Variants in PCDH9 observed in about 807,000 individuals in gnomAD.
PCDH9 encodes protocadherin-9.
In PCDH9, 24 loss-of-function variants were observed where a neutral mutation model predicts 70.6. The observed-to-expected ratio is 0.34, with a 90% CI of 0.25 to 0.48. The LOEUF (loss-of-function observed/expected upper bound fraction) is 0.48, where lower values mean the gene tolerates loss of function less well. Ranked by LOEUF, PCDH9 falls within the 20% of genes least tolerant of loss-of-function variation. The probability of loss-of-function intolerance (pLI) is 0.99; values close to 1 mark genes in which losing one functional copy is unlikely to be tolerated. For synonymous variants in PCDH9, 562 were observed against 558.5 expected (o/e 1.01, Z -0.09); for missense variants, 1,281 against 1,503.6 (o/e 0.85, Z 2.45).
Position 67,220,169 on chromosome 13 carries a change from A to C in PCDH9, c.3036+5236T>G, listed in dbSNP as rs527392124. ...AAAAAAAAAAATTAGAAATAAAAAC[A>C]ATCTAAATAAGACAACAAAAATTGT... On this transcript the variant is annotated intron_variant, in intron 2 of 4. Transcript: ENST00000377865. The C allele has an allele frequency of 9.9e-5, 15 of 152,128 alleles. No individual in the cohort carries two copies. The East Asian group carries it at 2.7e-3, about 27-fold the overall frequency. 9.4% of individuals were successfully genotyped at this position (152,128 alleles called of 1,614,324 possible).
At chr13:66,871,047 A>G (rs952123387) in intron 3 of PCDH9, among the ~76,000 whole-genome samples, 23 of 152,310 alleles carry the variant, frequency 1.5e-4, no homozygotes, top group African/African-American at 5.5e-4. Context: ...ACCATGGAAT[A>G]CTATGCAGCC....
chr13:66,474,739 T>TA (rs1246311516), intron 4 of PCDH9, among the ~76,000 whole-genome samples: 1 of 152,114 alleles, frequency 6.6e-6, no homozygotes, highest in Non-Finnish European at 1.5e-5. Context: ...TCCTGGCTCT[T>TA]ACCACTATCA....
intron 3 of PCDH9, among the ~76,000 whole-genome samples, chr13:66,798,418 G>A (rs2080277951): frequency 6.6e-6 from 1 of 152,062 alleles, no homozygotes; most frequent in Admixed American, 6.6e-5. Context: ...TGCAGGCATA[G>A]GTGTGCACAG....
chr13:66,741,028 G>A (rs2079255923), intron 3 of PCDH9, among the ~76,000 whole-genome samples: 1 of 43,848 alleles, frequency 2.3e-5, no homozygotes. Context: ...GCCGGGCAGA[G>A]ACACAACCAA....
intron 2 of PCDH9, among the ~76,000 whole-genome samples, chr13:67,077,544 C>T (rs1264355783): frequency 1.3e-5 from 2 of 152,188 alleles, no homozygotes; most frequent in African/African-American, 4.8e-5. Context: ...AAGGTAAATT[C>T]CATTTTTGTC....
intron 2 of PCDH9, among the ~76,000 whole-genome samples, chr13:67,159,631 A>C (rs958329129): frequency 6.6e-5 from 10 of 152,220 alleles, no homozygotes; most frequent in Non-Finnish European, 1.2e-4. Context: ...AAACATTCTC[A>C]TTAAAACCTT....
At chr13:66,345,425 C>T (rs563345395) in intron 4 of PCDH9, among the ~76,000 whole-genome samples, 2 of 152,094 alleles carry the variant, frequency 1.3e-5, no homozygotes, top group East Asian at 3.9e-4. Flanking sequence ...GTTGTTTAAA[C>T]CAAGTCCTGT....
At chr13:66,750,007 A>C (rs1477272248) in intron 3 of PCDH9, among the ~76,000 whole-genome samples, 1 of 152,220 alleles carries the variant, frequency 6.6e-6, no homozygotes, top group East Asian at 1.9e-4. Flanking sequence ...CTCTAAAAGA[A>C]TAAAGGATCA....
chr13:66,821,770 C>T (rs754281989), intron 3 of PCDH9, among the ~76,000 whole-genome samples: 1 of 152,140 alleles, frequency 6.6e-6, no homozygotes, highest in Non-Finnish European at 1.5e-5. Flanking sequence ...CATTCAATTC[C>T]CCATGTGCCT....
chr13:66,444,931 G>T (rs1221035806), intron 4 of PCDH9, among the ~76,000 whole-genome samples: 1 of 151,614 alleles, frequency 6.6e-6, no homozygotes, highest in East Asian at 1.9e-4. Context: ...AGATTATTGT[G>T]CTGACAACAA....
intron 2 of PCDH9, among the ~76,000 whole-genome samples, chr13:67,059,943 A>AAACATGTTT (rs950584906): frequency 1.1e-4 from 16 of 149,110 alleles, no homozygotes; most frequent in African/African-American, 3.9e-4. Context: ...AAAGTTTAAC[A>AAACATGTTT]AACATGTTTG....
chr13:66,727,091 A>T (rs929836578), intron 3 of PCDH9, among the ~76,000 whole-genome samples: 19 of 152,190 alleles, frequency 1.2e-4, no homozygotes, highest in African/African-American at 4.6e-4. Context: ...ACATAGCTAG[A>T]TTCCATTTCT....
At chr13:67,093,844 G>T (rs946340041) in intron 2 of PCDH9, among the ~76,000 whole-genome samples, 1 of 152,028 alleles carries the variant, frequency 6.6e-6, no homozygotes, top group African/African-American at 2.4e-5. Context: ...TTACTAACAA[G>T]TTCCAATATT....
chr13:66,936,472 A>C (rs2082917580), intron 2 of PCDH9, among the ~76,000 whole-genome samples: 1 of 152,188 alleles, frequency 6.6e-6, no homozygotes, highest in South Asian at 2.1e-4. Flanking sequence ...GCTGGAAGAA[A>C]AAATTTAACT....
At chr13:66,469,692 G>A (rs539456315) in intron 4 of PCDH9, among the ~76,000 whole-genome samples, 9 of 151,974 alleles carry the variant, frequency 5.9e-5, no homozygotes, top group Non-Finnish European at 8.8e-5. Flanking sequence ...ATTACAGTGC[G>A]TGAAAATGTG....
intron 4 of PCDH9, among the ~76,000 whole-genome samples, chr13:66,490,825 C>CT (rs1201792655): frequency 3.3e-5 from 5 of 151,978 alleles, no homozygotes; most frequent in Non-Finnish European, 7.4e-5. Flanking sequence ...CTAAGTAAGC[C>CT]TTTTTTCTCA....
intron 2 of PCDH9, among the ~76,000 whole-genome samples, chr13:67,198,300 A>T (rs1482930272): frequency 6.6e-6 from 1 of 151,858 alleles, no homozygotes; most frequent in Non-Finnish European, 1.5e-5. Flanking sequence ...TTATTTGTAA[A>T]TAAAAGTGTA....
At chr13:66,720,177 G>C (rs1164716146) in intron 3 of PCDH9, among the ~76,000 whole-genome samples, 2 of 151,402 alleles carry the variant, frequency 1.3e-5, no homozygotes, top group Admixed American at 6.6e-5. Flanking sequence ...TTTTGACACA[G>C]GGTCTCACTC....
chr13:66,892,838 C>T (rs2082117790), intron 3 of PCDH9, among the ~76,000 whole-genome samples: 2 of 151,986 alleles, frequency 1.3e-5, no homozygotes, highest in Non-Finnish European at 2.9e-5. Context: ...TCTTTCATAA[C>T]AAGTATGCAG....
Sources: gnomAD v4.1 joint callset for allele counts (sites outside exome capture counted in the v4.1 genomes callset) on GRCh38, gnomAD v4.1.1 for gene constraint, MANE v1.5 for transcripts, NCBI Gene and HGNC (gene_info 2026-07-23, HGNC 2026-07-21) for gene names.